Variants in LMBRD1 observed in about 807,000 individuals in gnomAD.
The protein encoded by LMBRD1 is LMBR1 domain containing 1.
In LMBRD1, 64 loss-of-function variants were observed where a neutral mutation model predicts 74.8. The observed-to-expected ratio is 0.86, with a 90% CI of 0.70 to 1.05. LMBRD1 has a LOEUF of 1.05. Among genes scored for constraint, LMBRD1 ranks in the 50% least tolerant of loss-of-function variants. LMBRD1 has a pLI of 0.00. For synonymous variants in LMBRD1, 204 were observed against 216.3 expected (o/e 0.94, Z 0.50); for missense variants, 652 against 645.9 (o/e 1.01, Z -0.10).
intron 2 of LMBRD1, 97 bp from the exon 3 acceptor site, chr6:69,780,651 T>G (rs1412521494): frequency 4.6e-6 from 4 of 868,174 alleles, no homozygotes; most frequent in Non-Finnish European, 7.7e-6. Flanking sequence ...ACTTCCAAAA[T>G]CTATCCACCC....
intron 14 of LMBRD1, among the ~76,000 whole-genome samples, chr6:69,693,692 T>C (rs1452298968): frequency 6.6e-6 from 1 of 151,962 alleles, no homozygotes; most frequent in Non-Finnish European, 1.5e-5. Context: ...TTGTAAAGAA[T>C]AGTGTATACT....
intron 3 of LMBRD1, among the ~76,000 whole-genome samples, chr6:69,763,105 T>C (rs931778216): frequency 1.3e-5 from 2 of 152,046 alleles, no homozygotes; most frequent in African/African-American, 4.8e-5. Context: ...TTGGGAACTG[T>C]GTTCTAGTGT....
At chr6:69,733,122 T>TA (rs1766897858) in intron 7 of LMBRD1, among the ~76,000 whole-genome samples, 1 of 151,846 alleles carries the variant, frequency 6.6e-6, no homozygotes, top group Non-Finnish European at 1.5e-5. Flanking sequence ...ACACATAAGA[T>TA]AAAAAAATTT....
intron 1 of LMBRD1, 145 bp from the exon 2 acceptor site, chr6:69,790,617 A>G (rs1766059504): frequency 2.6e-6 from 2 of 766,942 alleles, no homozygotes; most frequent in African/African-American, 1.7e-5. Flanking sequence ...TCCCTTAAAA[A>G]CTTGTCCAAG....
At chr6:69,745,085 C>T (rs1161221359) in intron 5 of LMBRD1, among the ~76,000 whole-genome samples, 15 of 151,950 alleles carry the variant, frequency 9.9e-5, no homozygotes, top group African/African-American at 3.6e-4. Flanking sequence ...CCACCTCCCT[C>T]GGCCTCCCAA....
intron 3 of LMBRD1, among the ~76,000 whole-genome samples, chr6:69,765,087 C>T (rs1023445095): frequency 8.6e-5 from 13 of 151,834 alleles, no homozygotes; most frequent in African/African-American, 2.9e-4. Flanking sequence ...CCTGCCACCA[C>T]GCCCAGCTAA....
intron 9 of LMBRD1, among the ~76,000 whole-genome samples, chr6:69,707,510 A>G (rs1318617099): frequency 6.6e-6 from 1 of 152,076 alleles, no homozygotes; most frequent in Non-Finnish European, 1.5e-5. Context: ...GTCTAATAGG[A>G]TCATTGTTTC....
Position 69,752,258 on chromosome 6 carries a change from C to T in LMBRD1, c.405+1G>A, listed in dbSNP as rs1361076822. On this transcript the variant is annotated splice_donor_variant, in intron 4 of 15. Transcript: ENST00000649934. LOFTEE classifies it high-confidence loss of function. ...AAGGCCTCTAAAATAAAGATACTTA[C>T]AGTACATTTACTAGTATCATCATCA... The T allele has an allele frequency of 1.2e-6, 2 of 1,606,798 alleles. No homozygotes were observed. Among genetic ancestry groups the T allele is most frequent in the South Asian group, 2.2e-5 (2 of 90,798 alleles).
At chr6:69,723,644 C>T (rs187619923) in intron 7 of LMBRD1, among the ~76,000 whole-genome samples, 137 of 151,972 alleles carry the variant, frequency 9.0e-4, no homozygotes, top group Non-Finnish European at 1.7e-3. Context: ...ATACAACATA[C>T]CAAAACCTAC....
chr6:69,687,445 C>A (rs1765788486), intron 14 of LMBRD1, among the ~76,000 whole-genome samples: 1 of 152,092 alleles, frequency 6.6e-6, no homozygotes, highest in Non-Finnish European at 1.5e-5. Context: ...TGCTGTATCC[C>A]TAGCACCTAG....
intron 8 of LMBRD1, among the ~76,000 whole-genome samples, chr6:69,717,674 G>A (rs779206684): frequency 6.6e-6 from 1 of 152,058 alleles, no homozygotes; most frequent in Non-Finnish European, 1.5e-5. Flanking sequence ...TTATAGCACA[G>A]GTTTTGAATT....
intron 14 of LMBRD1, among the ~76,000 whole-genome samples, chr6:69,683,217 A>C (rs1765698606): frequency 6.6e-6 from 1 of 152,000 alleles, no homozygotes; most frequent in Non-Finnish European, 1.5e-5. Flanking sequence ...ATCTTGATTG[A>C]CAATAGACAT....
At chr6:69,728,211 C>G (rs1237958879) in intron 7 of LMBRD1, among the ~76,000 whole-genome samples, 1 of 152,028 alleles carries the variant, frequency 6.6e-6, no homozygotes, top group Non-Finnish European at 1.5e-5. Flanking sequence ...TTTAAACACC[C>G]AGATCTCGTG....
At chr6:69,725,564 A>G (rs1428330025) in intron 7 of LMBRD1, among the ~76,000 whole-genome samples, 1 of 151,020 alleles carries the variant, frequency 6.6e-6, no homozygotes, top group South Asian at 2.1e-4. Flanking sequence ...AGAATAGAGA[A>G]CCCACAAACA....
Position 69,702,194 on chromosome 6 carries a change from TA to T in LMBRD1, c.916-242del, listed in dbSNP as rs1398025987. Among the ~76,000 whole-genome samples the T allele has an allele frequency of 2.0e-5, 3 of 151,806 alleles. No homozygotes were observed. The East Asian group carries it at 5.8e-4, about 29-fold the overall frequency. On this transcript the variant is annotated intron_variant, in intron 9 of 15. Coordinates refer to ENST00000649934, the MANE Select transcript of LMBRD1 (RefSeq NM_018368.4). Reference sequence around the variant, plus strand: ...CATTTGAAAAGTCTTCACTAATAAGTAAACAAATGAAACTCTTTGTTAGACC... The same window carrying T: ...CATTTGAAAAGTCTTCACTAATAAGTAACAAATGAAACTCTTTGTTAGACC...
At chr6:69,774,246 G>A (rs1391275702) in intron 3 of LMBRD1, among the ~76,000 whole-genome samples, 1 of 152,210 alleles carries the variant, frequency 6.6e-6, no homozygotes, top group Non-Finnish European at 1.5e-5. Context: ...CATGTTAGAT[G>A]TGACTTTGCT....
chr6:69,785,022 T>G (rs1282051004), intron 2 of LMBRD1, among the ~76,000 whole-genome samples: 1 of 152,148 alleles, frequency 6.6e-6, no homozygotes, highest in Non-Finnish European at 1.5e-5. Flanking sequence ...TCTGTCCATA[T>G]CTAACCCACT....
At chr6:69,770,889 T>C (rs924080277) in intron 3 of LMBRD1, among the ~76,000 whole-genome samples, 3 of 152,202 alleles carry the variant, frequency 2.0e-5, no homozygotes, top group Admixed American at 1.3e-4. Flanking sequence ...ACAGGTAACA[T>C]GTAAGCAAAG....
chr6:69,765,532 C>G (rs931230963), intron 3 of LMBRD1, among the ~76,000 whole-genome samples: 1 of 152,090 alleles, frequency 6.6e-6, no homozygotes, highest in African/African-American at 2.4e-5. Context: ...GTTTTGAGAT[C>G]TGAGGATGTA....
Sources: allele counts gnomAD v4.1 joint callset (sites outside exome capture counted in the v4.1 genomes callset), GRCh38; gene constraint gnomAD v4.1.1; transcripts MANE v1.5; gene names NCBI Gene and HGNC (gene_info 2026-07-23, HGNC 2026-07-21).